Variants in SPATA17 observed in about 807,000 individuals in gnomAD.
SPATA17 encodes the protein spermatogenesis-associated protein 17.
Under a neutral mutation model 62.2 loss-of-function variants are expected in SPATA17, and 53 were observed. The observed-to-expected ratio is 0.85, with a 90% CI of 0.68 to 1.07. The LOEUF is 1.07. SPATA17 is among the 50% of genes least tolerant of loss of function. SPATA17 has a pLI of 0.00. For synonymous variants in SPATA17, 146 were observed against 146.8 expected, an observed-to-expected ratio of 0.99 and a Z score of 0.04; for missense variants, 466 against 425.5, an observed-to-expected ratio of 1.10 and a Z score of -0.84.
chr1:217,818,610 G>T (rs992908430), intron 9 of SPATA17, among the ~76,000 whole-genome samples: 1 of 151,770 alleles, frequency 6.6e-6, no homozygotes. Flanking sequence ...ATAATCTTAT[G>T]GGAACATCAT....
At chr1:217,749,207 A>G (rs536392031) in intron 6 of SPATA17, among the ~76,000 whole-genome samples, 1 of 152,286 alleles carries the variant, frequency 6.6e-6, no homozygotes, top group South Asian at 2.1e-4. Context: ...ACCTTATCTC[A>G]TAACCACTTT....
intron 4 of SPATA17, among the ~76,000 whole-genome samples, chr1:217,677,828 A>G (rs2102902553): frequency 6.6e-6 from 1 of 152,312 alleles, no homozygotes; most frequent in East Asian, 1.9e-4. Flanking sequence ...CACATTTAAT[A>G]ATTATCCAGA....
intron 9 of SPATA17, among the ~76,000 whole-genome samples, chr1:217,855,236 C>T (rs1014018792): frequency 6.6e-5 from 10 of 152,128 alleles, no homozygotes; most frequent in African/African-American, 2.4e-4. Context: ...CCAAATGTTC[C>T]CTTTAGTGCC....
chr1:217,673,471 T>C (rs1230878536), intron 4 of SPATA17, among the ~76,000 whole-genome samples: 3 of 152,210 alleles, frequency 2.0e-5, no homozygotes, highest in Admixed American at 6.5e-5. Flanking sequence ...TACTCCAGAT[T>C]AGAGTTCTGC....
chr1:217,657,685 A>G (rs1179574068), intron 3 of SPATA17, among the ~76,000 whole-genome samples: 1 of 151,694 alleles, frequency 6.6e-6, no homozygotes, highest in Non-Finnish European at 1.5e-5. Context: ...ATGGTGTAGA[A>G]CAGTCATTTT....
intron 4 of SPATA17, among the ~76,000 whole-genome samples, chr1:217,677,396 T>A (rs1379631791): frequency 6.6e-6 from 1 of 152,078 alleles, no homozygotes; most frequent in Non-Finnish European, 1.5e-5. Context: ...ACCATACTAT[T>A]TTCATATTTA....
At chr1:217,829,966 T>C (rs1190805285) in intron 9 of SPATA17, among the ~76,000 whole-genome samples, 1 of 152,046 alleles carries the variant, frequency 6.6e-6, no homozygotes, top group Non-Finnish European at 1.5e-5. Context: ...ATGAGAGATA[T>C]ATTAATCTAC....
chr1:217,686,226 AAAAT>A lies in SPATA17; in HGVS notation c.395+2871_395+2874del, dbSNP rs754718355. Among the ~76,000 whole-genome samples the A allele has an allele frequency of 5.9e-5, 9 of 152,274 alleles. No homozygotes were observed. In the East Asian group the frequency reaches 1.5e-3, roughly 26 times the overall value. On this transcript the variant is annotated intron_variant, in intron 5 of 10. Transcript: ENST00000366933. The stretch of plus-strand genomic sequence containing the variant: ...GGGGATTACTAGTCTTTGGAAGTTT[AAAAT>A]AAATACTTTATAAAACTCCCTGGAC...
Position 217,801,740 on chromosome 1 carries a change from C to A in SPATA17, c.895C>A (p.His299Asn). 6.2e-7 allele frequency: 1 copy of A among 1,603,382 alleles called. No homozygotes were observed. Residue 299 changes from histidine (H) to asparagine (N), a missense_variant, in exon 9 of 11, where the codon CAT becomes AAT. Transcript: ENST00000366933. ...DNMFLPFSSY[H>N]KNEKYIPSMH... ...CAGGTTTTTGCCATTTTCTTCATACCATAAAAATGAAAAGTACATCCCATC... is the reference window on the plus strand; with the variant it reads ...CAGGTTTTTGCCATTTTCTTCATACAATAAAAATGAAAAGTACATCCCATC...
chr1:217,725,059 A>G (rs1672231202), intron 5 of SPATA17, among the ~76,000 whole-genome samples: 2 of 152,156 alleles, frequency 1.3e-5, no homozygotes, highest in Non-Finnish European at 2.9e-5. Context: ...ATAGTCATCC[A>G]TATTTTCTTT....
At chr1:217,776,790 C>G (rs974960282) in intron 7 of SPATA17, among the ~76,000 whole-genome samples, 5 of 151,860 alleles carry the variant, frequency 3.3e-5, no homozygotes, top group African/African-American at 1.2e-4. Context: ...CCCTCACTCA[C>G]ATGGTTGGGT....
rs1667826580 is a variant in SPATA17 at position 217,677,489 on chromosome 1, A to AAGGT, written c.292-5768_292-5767insGGTA. On this transcript the variant is annotated intron_variant, in intron 4 of 10. Transcript: ENST00000366933. ...GAGATAGATAGGTTAGTTAATTCAG[A>AAGGT]AAAAGGATACGGAAGGTCTTTTATA... Among the ~76,000 whole-genome samples, 4 of 152,214 alleles carry AAGGT rather than the reference A, an allele frequency of 2.6e-5. No homozygotes were observed. The South Asian group carries it at 8.3e-4, about 32-fold the overall frequency.
At chr1:217,647,895 G>T (rs917367612) in intron 1 of SPATA17, among the ~76,000 whole-genome samples, 1 of 151,946 alleles carries the variant, frequency 6.6e-6, no homozygotes. Context: ...GCTAATTTTT[G>T]TATTTTTAGT....
chr1:217,843,176 T>C (rs1675448663), intron 9 of SPATA17, among the ~76,000 whole-genome samples: 1 of 152,138 alleles, frequency 6.6e-6, no homozygotes, highest in African/African-American at 2.4e-5. Context: ...TTAAAAAGAA[T>C]ACAGTTCTTG....
intron 9 of SPATA17, among the ~76,000 whole-genome samples, chr1:217,845,036 A>G (rs1675492516): frequency 6.6e-6 from 1 of 152,094 alleles, no homozygotes; most frequent in Non-Finnish European, 1.5e-5. Context: ...CTTTTTGCCT[A>G]ACATCTCTGA....
At chr1:217,650,716 G>T (rs765493309) in intron 2 of SPATA17, among the ~76,000 whole-genome samples, 4 of 152,214 alleles carry the variant, frequency 2.6e-5, no homozygotes, top group African/African-American at 9.6e-5. Context: ...GAGCCACTGC[G>T]CCCGGCCCTC....
chr1:217,843,126 T>C (rs1343117022), intron 9 of SPATA17, among the ~76,000 whole-genome samples: 1 of 152,072 alleles, frequency 6.6e-6, no homozygotes, highest in Non-Finnish European at 1.5e-5. Flanking sequence ...ATGCTTTATG[T>C]CCCAGGATCT....
chr1:217,720,628 A>C (rs1672103644), intron 5 of SPATA17, among the ~76,000 whole-genome samples: 1 of 152,168 alleles, frequency 6.6e-6, no homozygotes, highest in Non-Finnish European at 1.5e-5. Flanking sequence ...CCTTGTCTCT[A>C]AATAAATAAA....
chr1:217,783,044 CTAAG>C lies in SPATA17; in HGVS notation c.872+727_872+730del, dbSNP rs561920737. Among the ~76,000 whole-genome samples, 493 of 150,554 alleles carry C rather than the reference CTAAG, an allele frequency of 3.3e-3. 2 individuals are homozygous for C. The highest frequency in any genetic ancestry group is 0.011 in the African/African-American group (440 of 41,196). On this transcript the variant is annotated intron_variant, in intron 8 of 10. Transcript: ENST00000366933. ...AATGTATTTTAATATTATTTATATG[CTAAG>C]TAAGACATTATTACATTATAATACT...
Sources: allele counts gnomAD v4.1 joint callset (sites outside exome capture counted in the v4.1 genomes callset), GRCh38; gene constraint gnomAD v4.1.1; transcripts MANE v1.5; gene names NCBI Gene and HGNC (gene_info 2026-07-23, HGNC 2026-07-21).